The following DGKB variants were observed in gnomAD, a reference collection of about 807,000 sequenced individuals.
DGKB encodes the protein 90 kDa diacylglycerol kinase.
A neutral mutation model predicts 114.3 loss-of-function variants in DGKB; 67 were observed. The observed-to-expected ratio is 0.59, with a 90% CI of 0.48 to 0.72. DGKB has a LOEUF of 0.72. DGKB is among the 30% of genes least tolerant of loss of function. The pLI is 0.00. For missense variants in DGKB, 907 were observed against 975.2 expected, an observed-to-expected ratio of 0.93 and a Z score of 0.93; for synonymous variants, 398 against 323.1, an observed-to-expected ratio of 1.23 and a Z score of -2.49.
intron 13 of DGKB, among the ~76,000 whole-genome samples, chr7:14,647,699 A>G (rs1416979081): frequency 2.0e-5 from 3 of 152,326 alleles, no homozygotes; most frequent in Middle Eastern, 3.4e-3. Flanking sequence ...ACGACGCAGA[A>G]GACGGGTGAT....
chr7:14,829,100 T>C (rs1250560222), intron 2 of DGKB, among the ~76,000 whole-genome samples: 1 of 152,110 alleles, frequency 6.6e-6, no homozygotes, highest in African/African-American at 2.4e-5. Context: ...GTGGAAGTGT[T>C]AGATGGTTGG....
intron 25 of DGKB, among the ~76,000 whole-genome samples, chr7:14,163,573 T>G (rs889758105): frequency 6.6e-6 from 1 of 152,090 alleles, no homozygotes; most frequent in African/African-American, 2.4e-5. Flanking sequence ...GCTTTTGGAG[T>G]CTCACTACCA....
rs1563935366 is a variant in DGKB, at chr7:14,695,507, T to TATTTA, written c.592-1314_592-1313insTAAAT. On this transcript the variant is annotated intron_variant, in intron 8 of 25. Coordinates refer to ENST00000402815, the MANE Select transcript of DGKB (RefSeq NM_001350709.2). Reference sequence around the variant, plus strand: ...CTCTCTCTCTCTCTTTTTTTTTTTTTTTTTTTTTTTGAGATGGAGTCTCAC... The same window carrying TATTTA: ...CTCTCTCTCTCTCTTTTTTTTTTTTTATTTATTTTTTTTTTGAGATGGAGTCTCAC... 6.3e-3 allele frequency among the ~76,000 whole-genome samples: 814 copies of TATTTA among 129,262 alleles called. 15 individuals are homozygous for TATTTA. Among genetic ancestry groups the TATTTA allele is most frequent in the African/African-American group, 0.023 (755 of 33,398 alleles). 84.8% of individuals were successfully genotyped at this position (129,262 alleles called of 152,430 possible). A position where few individuals can be genotyped will look rare whatever the true frequency, so the allele number is the denominator to read the frequency against.
intron 23 of DGKB, among the ~76,000 whole-genome samples, chr7:14,212,544 T>C (rs182250116): frequency 1.8e-4 from 28 of 152,234 alleles, no homozygotes; most frequent in African/African-American, 5.5e-4. Context: ...CAGGGATTTG[T>C]CCTGAGTCAT....
intron 20 of DGKB, among the ~76,000 whole-genome samples, chr7:14,546,611 G>A (rs900297274): frequency 4.6e-5 from 7 of 152,116 alleles, no homozygotes; most frequent in Admixed American, 3.9e-4. Flanking sequence ...TACGGATCTG[G>A]AATTTCAGGC....
At chr7:14,589,039 G>T (rs146803985) in intron 17 of DGKB, among the ~76,000 whole-genome samples, 1 of 151,800 alleles carries the variant, frequency 6.6e-6, no homozygotes, top group Non-Finnish European at 1.5e-5. Context: ...AGTATTGCTC[G>T]ATTTATTTAC....
In DGKB at chr7:14,536,924, G is replaced by A. The variant is rs187292167; in HGVS notation, c.1770+37288C>T. Among the ~76,000 whole-genome samples, 627 of 151,858 alleles carry A rather than the reference G, an allele frequency of 4.1e-3. 5 individuals are homozygous for A. The highest frequency in any genetic ancestry group is 0.015 in the African/African-American group (606 of 41,454). On this transcript the variant is annotated intron_variant, in intron 20 of 25. Transcript: ENST00000402815. ...GCTGGTGGCATTATATAAGAAAACTGTAAAAACCTCAAAACTGAGGGAATT... is the reference window on the plus strand; with the variant it reads ...GCTGGTGGCATTATATAAGAAAACTATAAAAACCTCAAAACTGAGGGAATT...
chr7:14,874,970 C>G (rs1853053811), intron 1 of DGKB, among the ~76,000 whole-genome samples: 1 of 151,946 alleles, frequency 6.6e-6, no homozygotes, highest in Admixed American at 6.6e-5. Flanking sequence ...AAGAATTAAA[C>G]AGCTAGATAT....
rs149568853 is a variant in DGKB at position 14,804,325 on chromosome 7, G to C, written c.70+36869C>G. On this transcript the variant is annotated intron_variant, in intron 2 of 25. Transcript: ENST00000402815. ...GTAACATGTTTTTTTTCTCTAGTCG[G>C]TTTTAAGATTTTTCTCCTTATCCTA... Among the ~76,000 whole-genome samples, 584 of 151,708 alleles carry C rather than the reference G, an allele frequency of 3.8e-3. 12 individuals carry two copies. The highest frequency in any genetic ancestry group is 1.9e-3 in the Non-Finnish European group (130 of 67,854).
rs1847911713 is a variant in DGKB at position 14,841,402 on chromosome 7, C to T, written c.-139G>A. 3 of 604,730 alleles carry T rather than the reference C, an allele frequency of 5.0e-6. No individual in the cohort carries two copies. Among genetic ancestry groups the T allele is most frequent in the Admixed American group, 3.4e-5 (1 of 29,268 alleles). The allele number at this position is 604,730 out of a possible 1,614,324, so 37.5% of individuals were successfully genotyped here. A position where few individuals can be genotyped will look rare whatever the true frequency, so the allele number is the denominator to read the frequency against. Reference sequence around the variant, plus strand: ...AGGCTTTCAAAATATGCAATCTGTCCACATGAAACTGCTTTGGATGCTTGT... The same window carrying T: ...AGGCTTTCAAAATATGCAATCTGTCTACATGAAACTGCTTTGGATGCTTGT... On this transcript the variant is annotated 5_prime_UTR_variant, in exon 2 of 26. It introduces an in-frame stop codon into an upstream open reading frame of the 5' UTR. Coordinates refer to ENST00000402815, the MANE Select transcript of DGKB (RefSeq NM_001350709.2).
intron 21 of DGKB, among the ~76,000 whole-genome samples, chr7:14,442,177 T>C (rs1210219829): frequency 6.6e-6 from 1 of 152,050 alleles, no homozygotes; most frequent in Non-Finnish European, 1.5e-5. Context: ...AGGGGTGAAC[T>C]GATTCTTAAT....
intron 25 of DGKB, among the ~76,000 whole-genome samples, chr7:14,168,165 C>T (rs1784878390): frequency 6.6e-6 from 1 of 151,628 alleles, no homozygotes; most frequent in African/African-American, 2.4e-5. Context: ...ATACAATGAA[C>T]AACATAAAAA....
intron 1 of DGKB, among the ~76,000 whole-genome samples, chr7:14,915,314 G>T (rs1160017937): frequency 2.0e-5 from 3 of 152,138 alleles, no homozygotes; most frequent in Non-Finnish European, 4.4e-5. Flanking sequence ...GGAATTCGAG[G>T]CTTCAGTGAG....
chr7:14,814,039 T>G (rs1311146578), intron 2 of DGKB: 1 of 152,198 alleles, frequency 6.6e-6, no homozygotes, highest in African/African-American at 2.4e-5. Context: ...GTATTTTAGT[T>G]TATTTTCTAG....
chr7:14,948,217 G>T (rs776381698), intron 1 of DGKB, among the ~76,000 whole-genome samples: 6 of 151,656 alleles, frequency 4.0e-5, no homozygotes, highest in Non-Finnish European at 8.9e-5. Flanking sequence ...TGTACTAAGG[G>T]ATAATTTATT....
intron 17 of DGKB, 84 bp downstream of exon 17, chr7:14,607,350 C>T (rs1804707206): frequency 1.3e-6 from 1 of 741,582 alleles, no homozygotes; most frequent in East Asian, 2.8e-5. Flanking sequence ...GTTCAAATAA[C>T]ATTATTTCTA....
chr7:14,922,408 G>GTGTA (rs1489556213), intron 1 of DGKB, among the ~76,000 whole-genome samples: 2 of 151,268 alleles, frequency 1.3e-5, no homozygotes, highest in East Asian at 3.9e-4. Context: ...GTGTGTGTGT[G>GTGTA]TGTGTGTATC....
At chr7:14,693,281 A>G (rs1480648386) in intron 9 of DGKB, among the ~76,000 whole-genome samples, 2 of 152,136 alleles carry the variant, frequency 1.3e-5, no homozygotes, top group East Asian at 3.9e-4. Flanking sequence ...TTGCATAACT[A>G]TTAATGCTGA....
chr7:14,231,082 C>CCTTTCTTTCTTTCTTT (rs201778587), intron 23 of DGKB, among the ~76,000 whole-genome samples: 2 of 121,762 alleles, frequency 1.6e-5, no homozygotes, highest in African/African-American at 3.0e-5. Flanking sequence ...TTCTTCTTTC[C>CCTTTCTTTCTTTCTTT]CTTTCTTTCT....
Sources: allele counts gnomAD v4.1 joint callset (sites outside exome capture counted in the v4.1 genomes callset), GRCh38; gene constraint gnomAD v4.1.1; transcripts MANE v1.5; gene names NCBI Gene and HGNC (gene_info 2026-07-23, HGNC 2026-07-21).